BAZ2B: variants seen among roughly 807,000 people sequenced by gnomAD.
BAZ2B encodes the protein bromodomain adjacent to zinc finger domain protein 2B.
Under a neutral mutation model 246.0 loss-of-function variants are expected in BAZ2B, and 91 were observed. The ratio of observed to expected loss-of-function variants is 0.37; its 90% CI spans 0.31 to 0.44. The LOEUF is 0.44. Ranked by LOEUF, BAZ2B falls within the 20% of genes least tolerant of loss-of-function variation. BAZ2B has a pLI of 1.00. For synonymous variants in BAZ2B, 855 were observed against 860.0 expected, an observed-to-expected ratio of 0.99 and a Z score of 0.10; for missense variants, 2,332 against 2,533.7, an observed-to-expected ratio of 0.92 and a Z score of 1.71.
chr2:159,423,240 T>C lies in BAZ2B; in HGVS notation c.2466+4701A>G, dbSNP rs544444019. ...CTGAGGCAGGAGAATGGTGTGAACC[T>C]GGGAGGCGGGGCTTGCAGTGAGCCG... On this transcript the variant is annotated intron_variant, in intron 13 of 36. Transcript: ENST00000392783. 4.6e-5 allele frequency among the ~76,000 whole-genome samples: 7 copies of C among 152,150 alleles called. No individual in the cohort carries two copies. In the South Asian group the frequency reaches 1.5e-3, roughly 32 times the overall value.
chr2:159,419,467 G>T (rs2068345029), intron 13 of BAZ2B, among the ~76,000 whole-genome samples: 1 of 152,112 alleles, frequency 6.6e-6, no homozygotes, highest in African/African-American at 2.4e-5. Context: ...GCAGTGAAAG[G>T]GTGATAGATT....
the BAZ2B span, among the ~76,000 whole-genome samples, chr2:159,624,442 G>C: frequency 4.6e-5 from 7 of 152,192 alleles, no homozygotes; most frequent in African/African-American, 1.7e-4. Context: ...ATATAGGAGA[G>C]GTCTGGCTGG....
At chr2:159,689,934 CAG>C in the BAZ2B span, 1 of 369,988 alleles carries the variant, frequency 2.7e-6, no homozygotes, top group South Asian at 3.5e-5. Context: ...AAGTAACTAT[CAG>C]TAGTCTTGAC....
chr2:159,387,040 T>C (rs986396207), intron 21 of BAZ2B, among the ~76,000 whole-genome samples: 1 of 152,172 alleles, frequency 6.6e-6, no homozygotes, highest in Non-Finnish European at 1.5e-5. Flanking sequence ...CTTCTAATGA[T>C]GATGACATTT....
At chr2:159,457,395 A>G (rs919941532) in intron 3 of BAZ2B, among the ~76,000 whole-genome samples, 5 of 152,264 alleles carry the variant, frequency 3.3e-5, no homozygotes, top group Non-Finnish European at 7.3e-5. Flanking sequence ...AACGGACATA[A>G]AATAAATGTT....
chr2:159,512,989 G>A (rs1203020128), intron 2 of BAZ2B, among the ~76,000 whole-genome samples: 2 of 152,076 alleles, frequency 1.3e-5, no homozygotes, highest in Non-Finnish European at 2.9e-5. Flanking sequence ...TTTAAAATAA[G>A]GAGCATGATC....
chr2:159,434,918 A>G (rs2071908277), intron 8 of BAZ2B: 1 of 152,058 alleles, frequency 6.6e-6, no homozygotes, highest in Admixed American at 6.6e-5. Flanking sequence ...TCCCCTTGAA[A>G]ACAACACAAT....
At chr2:159,406,824 G>A (rs1185497949) in intron 14 of BAZ2B, among the ~76,000 whole-genome samples, 4 of 151,424 alleles carry the variant, frequency 2.6e-5, no homozygotes, top group African/African-American at 9.7e-5. Flanking sequence ...GCGTGATCTC[G>A]GCTCACTGCA....
chr2:159,695,445 T>C, the BAZ2B span: 3 of 151,966 alleles, frequency 2.0e-5, no homozygotes, highest in Admixed American at 1.3e-4. Flanking sequence ...CACTAGTAAG[T>C]CTGAGGTCAA....
chr2:159,660,878 A>G, the BAZ2B span, among the ~76,000 whole-genome samples: 131,103 of 152,166 alleles, frequency 0.86, 56,710 homozygotes, highest in Middle Eastern at 0.95. Flanking sequence ...GATTACAGGC[A>G]TGAGCCACTG....
At chr2:159,607,507 G>C (rs1258467763) in intron 1 of BAZ2B, among the ~76,000 whole-genome samples, 3 of 152,140 alleles carry the variant, frequency 2.0e-5, no homozygotes, top group Admixed American at 2.0e-4. Flanking sequence ...CACTGAAATG[G>C]AGGATTGAAA....
chr2:159,395,905 AAAAACAAAAAC>A, intron 19 of BAZ2B, 71 bp from the exon 20 acceptor site: 2 of 1,340,578 alleles, frequency 1.5e-6, no homozygotes, highest in Non-Finnish European at 2.1e-6. Context: ...ATGAAAAAAC[AAAAACAAAAAC>A]AAAACAAAAA....
chr2:159,583,639 T>A (rs1354558018), intron 1 of BAZ2B, among the ~76,000 whole-genome samples: 1 of 152,124 alleles, frequency 6.6e-6, no homozygotes, highest in Non-Finnish European at 1.5e-5. Context: ...ATGCTACTCA[T>A]TTGTGAACAA....
intron 1 of BAZ2B, among the ~76,000 whole-genome samples, chr2:159,572,604 A>G (rs1296580145): frequency 6.6e-6 from 1 of 152,160 alleles, no homozygotes; most frequent in Non-Finnish European, 1.5e-5. Flanking sequence ...CTACTCATAT[A>G]TTTTATTATT....
intron 1 of BAZ2B, among the ~76,000 whole-genome samples, chr2:159,608,315 C>A (rs559475961): frequency 5.9e-5 from 9 of 152,304 alleles, no homozygotes; most frequent in African/African-American, 2.2e-4. Context: ...GTTGAAGCTG[C>A]AGTAAACTGG....
At chr2:159,450,358 C>T (rs531217405) in intron 4 of BAZ2B, among the ~76,000 whole-genome samples, 4 of 140,022 alleles carry the variant, frequency 2.9e-5, no homozygotes, top group African/African-American at 5.3e-5. Flanking sequence ...GCCTGGGTGA[C>T]GGAGTGAAAC....
chr2:159,603,556 A>C (rs1047227581), intron 1 of BAZ2B, among the ~76,000 whole-genome samples: 1 of 151,998 alleles, frequency 6.6e-6, no homozygotes, highest in Non-Finnish European at 1.5e-5. Flanking sequence ...CCCATTTCTT[A>C]CAGAATCTCT....
the BAZ2B span, among the ~76,000 whole-genome samples, chr2:159,630,562 C>G: frequency 2.0e-5 from 3 of 148,826 alleles, no homozygotes; most frequent in African/African-American, 7.5e-5. Context: ...GAGACGGAGT[C>G]TCGCTCTGTC....
chr2:159,420,832 A>C (rs1300211965), intron 13 of BAZ2B, among the ~76,000 whole-genome samples: 4 of 152,212 alleles, frequency 2.6e-5, no homozygotes. Context: ...CCATTTATTC[A>C]ACAATTTTTT....
Sources: allele counts gnomAD v4.1 joint callset (sites outside exome capture counted in the v4.1 genomes callset), GRCh38; gene constraint gnomAD v4.1.1; transcripts MANE v1.5; gene names NCBI Gene and HGNC (gene_info 2026-07-23, HGNC 2026-07-21).